The following ZNF32 variants were observed in gnomAD, a reference collection of about 807,000 sequenced individuals.
ZNF32 encodes the protein zinc finger protein 32, also known as C2H2-546.
In ZNF32, 13 loss-of-function variants were observed where a neutral mutation model predicts 24.4. The observed-to-expected ratio is 0.53, with a 90% CI of 0.35 to 0.85. ZNF32 has a LOEUF of 0.85. ZNF32 is among the 40% of genes least tolerant of loss of function. The pLI, the probability that ZNF32 is intolerant of heterozygous loss-of-function variation, is 0.01. For missense variants in ZNF32, 239 were observed against 325.3 expected (o/e 0.73, Z 2.04); for synonymous variants, 115 against 117.4 (o/e 0.98, Z 0.13).
chr10:43,644,941 G>C lies in ZNF32; in HGVS notation c.71-140C>G. 1 of 973,148 alleles carries C rather than the reference G, an allele frequency of 1.0e-6. No individual in the cohort carries two copies. The highest frequency in any genetic ancestry group is 1.5e-6 in the Non-Finnish European group (1 of 673,766). 60.3% of individuals were successfully genotyped at this position (973,148 alleles called of 1,614,324 possible). On this transcript the variant is annotated intron_variant, in intron 2 of 2. Coordinates refer to ENST00000374433, the MANE Select transcript of ZNF32 (RefSeq NM_006973.3). This position sits in a 1 kb window ranked among gnomAD's most constrained non-coding sequence, Gnocchi z 5.3. ...TAGACAATGCAATCCTGAAAACAATGCCATGAGAGTGATACAGATAATGGG... is the reference window on the plus strand; with the variant it reads ...TAGACAATGCAATCCTGAAAACAATCCCATGAGAGTGATACAGATAATGGG...
At position 43,646,098 on chromosome 10, in the gene ZNF32, A is replaced by G; in HGVS notation, c.36T>C (p.Cys12=). 1 of 1,614,180 alleles carries G rather than the reference A, an allele frequency of 6.2e-7. No homozygotes were observed. Among genetic ancestry groups the G allele is most frequent in the Non-Finnish European group, 8.5e-7 (1 of 1,180,014 alleles). Residue 12 remains cysteine (C), a synonymous_variant, in exon 2 of 3, where the codon TGT becomes TGC. Transcript: ENST00000374433. ...FGFPTATLLD[C]HGRYAQNVAF... is the part of the protein sequence containing the mutation. ...CTACATTCTGGGCATATCTTCCATG[A>G]CAGTCCAGCAGGGTAGCTGTTGGAA...
chr10:43,646,847 A>G (rs1323830477), intron 1 of ZNF32, among the ~76,000 whole-genome samples: 2 of 152,192 alleles, frequency 1.3e-5, no homozygotes, highest in African/African-American at 4.8e-5. Context: ...TTGCCCAGAA[A>G]CCCACAGAAA....
chr10:43,645,553 A>G (rs1320350480), intron 2 of ZNF32, among the ~76,000 whole-genome samples: 1 of 152,270 alleles, frequency 6.6e-6, no homozygotes, highest in Non-Finnish European at 1.5e-5. Context: ...TGGCAATTAT[A>G]GAATCTGATC....
chr10:43,645,035 T>C (rs1371884899), intron 2 of ZNF32: 1 of 474,634 alleles, frequency 2.1e-6, no homozygotes, highest in Non-Finnish European at 3.7e-6. Context: ...GCATTCTCCA[T>C]AGCAGTGTAC....
At position 43,644,245 on chromosome 10, in the gene ZNF32, T is replaced by C; in HGVS notation, c.627A>G (p.Arg209=). 6.2e-7 allele frequency: 1 copy of C among 1,614,242 alleles called. No homozygotes were observed. The highest frequency in any genetic ancestry group is 1.1e-5 in the South Asian group (1 of 91,088). The part of the protein sequence containing the change: ...SQKGSLIVHI[R]VHTGLKPYAC... Reference sequence around the variant, plus strand: ...CATAGGGCTTCAGGCCTGTGTGGACTCTGATGTGAACAATTAAGCTTCCTT... The same window carrying C: ...CATAGGGCTTCAGGCCTGTGTGGACCCTGATGTGAACAATTAAGCTTCCTT... The change falls in exon 3 of 3, where the codon AGA becomes AGG. Residue 209 remains arginine (R), a synonymous_variant. Transcript: ENST00000374433. The surrounding 1 kb of genome is among the most constrained non-coding windows in gnomAD (Gnocchi z 5.3).
intron 2 of ZNF32, chr10:43,645,857 G>A (rs1411562669): frequency 1.5e-5 from 17 of 1,102,264 alleles, no homozygotes; most frequent in African/African-American, 9.6e-5. Context: ...CTACTTCAAC[G>A]CTACCTCCAT....
At chr10:43,645,811 G>A (rs1839266933) in intron 2 of ZNF32, 1 of 572,202 alleles carries the variant, frequency 1.7e-6, no homozygotes, top group Non-Finnish European at 2.6e-6. Flanking sequence ...TTCAGAGACA[G>A]TGCTGAGATT....
chr10:43,647,647 G>A (rs538074362), intron 1 of ZNF32: 1 of 152,256 alleles, frequency 6.6e-6, no homozygotes, highest in East Asian at 1.9e-4. Context: ...TTTATTTGGA[G>A]GACTCACTTC....
chr10:43,647,765 G>A (rs1005752118), intron 1 of ZNF32: 10 of 152,244 alleles, frequency 6.6e-5, no homozygotes, highest in African/African-American at 2.4e-4. Context: ...AAAAGTCCCT[G>A]GGGTACATGG....
rs1259038216 is a variant in ZNF32 at position 43,644,799 on chromosome 10, C to T, written c.73G>A (p.Val25Met). Reference sequence around the variant, plus strand: ...TATTTGTGGTGGGCTTCAGTCATCACATCTGATAAAATGAGAGGGAAGTCA... The same window carrying T: ...TATTTGTGGTGGGCTTCAGTCATCATATCTGATAAAATGAGAGGGAAGTCA... ...RYAQNVAFFN[V>M]MTEAHHKYDH... The change falls in exon 3 of 3, where the codon GTG becomes ATG. Residue 25 changes from valine (V) to methionine (M), a missense_variant and splice_region_variant. By Grantham distance (21) the Val-to-Met change is conservative. Coordinates refer to ENST00000374433, the MANE Select transcript of ZNF32 (RefSeq NM_006973.3). The surrounding 1 kb of genome is among the most constrained non-coding windows in gnomAD (Gnocchi z 5.3). 2 of 1,585,820 alleles carry T rather than the reference C, an allele frequency of 1.3e-6. No individual in the cohort carries two copies. Among genetic ancestry groups the T allele is most frequent in the Non-Finnish European group, 1.7e-6 (2 of 1,169,098 alleles).
intron 1 of ZNF32, chr10:43,646,981 T>C (rs1839319381): frequency 6.6e-6 from 1 of 152,216 alleles, no homozygotes; most frequent in African/African-American, 2.4e-5. Context: ...GCTTATAAAA[T>C]TGAACAGAAA....
At chr10:43,646,436 T>G (rs944216075) in intron 1 of ZNF32, 3 of 306,318 alleles carry the variant, frequency 9.8e-6, no homozygotes, top group African/African-American at 6.5e-5. Flanking sequence ...TAAACATATA[T>G]CTCTTCCTGC....
chr10:43,643,988 G>A lies in ZNF32; in HGVS notation c.*62C>T. On this transcript the variant is annotated 3_prime_UTR_variant, in exon 3 of 3. Coordinates refer to ENST00000374433, the MANE Select transcript of ZNF32 (RefSeq NM_006973.3). ...TTCATTCCATAGAACTGGATAGGTT[G>A]CTTCATCTCAGAGGATTTTGTACTC... 1 of 1,506,408 alleles carries A rather than the reference G, an allele frequency of 6.6e-7. No individual in the cohort carries two copies. Among genetic ancestry groups the A allele is most frequent in the Non-Finnish European group, 8.9e-7 (1 of 1,125,182 alleles). 93.3% of individuals were successfully genotyped at this position (1,506,408 alleles called of 1,614,324 possible). A position where few individuals can be genotyped will look rare whatever the true frequency, so the allele number is the denominator to read the frequency against.
intron 1 of ZNF32, chr10:43,646,408 G>C (rs1362822858): frequency 1.3e-5 from 5 of 398,666 alleles, no homozygotes; most frequent in Non-Finnish European, 1.8e-5. Flanking sequence ...AGCAGGATGT[G>C]GGAAAGCAGA....
At position 43,643,912 on chromosome 10, in the gene ZNF32, A is replaced by G. The variant is rs2132372830; in HGVS notation, c.*138T>C. On this transcript the variant is annotated 3_prime_UTR_variant, in exon 3 of 3. Transcript: ENST00000374433. ...TTTTCATACTCTTTTGGGGGAAAGG[A>G]AAAAAATCAGTTTGCCCTACCCAAT... The G allele has an allele frequency of 1.1e-6, 1 of 881,678 alleles. No individual in the cohort carries two copies. Among genetic ancestry groups the G allele is most frequent in the South Asian group, 2.0e-5 (1 of 50,754 alleles). 54.6% of individuals were successfully genotyped at this position (881,678 alleles called of 1,614,324 possible).
Position 43,646,217 on chromosome 10 carries a change from C to A in ZNF32, c.-69-15G>T. On this transcript the variant is annotated splice_polypyrimidine_tract_variant and intron_variant, in intron 1 of 2. Coordinates refer to ENST00000374433, the MANE Select transcript of ZNF32 (RefSeq NM_006973.3). ...TTCCTGAGCACCTGAGGGAGAAAAA[C>A]AAACAGAAACAAACAGGAAAGGGCA... 7.0e-7 allele frequency: 1 copy of A among 1,425,698 alleles called. No individual in the cohort carries two copies. Among genetic ancestry groups the A allele is most frequent in the African/African-American group, 1.4e-5 (1 of 70,786 alleles). 88.3% of individuals were successfully genotyped at this position (1,425,698 alleles called of 1,614,324 possible).
intron 1 of ZNF32, among the ~76,000 whole-genome samples, chr10:43,648,401 T>G (rs779147139): frequency 5.9e-5 from 9 of 152,022 alleles, no homozygotes; most frequent in Non-Finnish European, 1.2e-4. Flanking sequence ...CTGCCTCTCC[T>G]CCCACCCCGG....
Position 43,644,626 on chromosome 10 carries a change from A to G in ZNF32, c.246T>C (p.Cys82=). The change falls in exon 3 of 3, where the codon TGT becomes TGC. Residue 82 remains cysteine, a synonymous_variant. Coordinates refer to ENST00000374433, the MANE Select transcript of ZNF32 (RefSeq NM_006973.3). The surrounding 1 kb of genome is among the most constrained non-coding windows in gnomAD (Gnocchi z 5.3). ...VRQRVYECQE[C]GKSFRQKGSL... ...TACCTTTTTGCCGGAAGGATTTTCC[A>G]CACTCCTGGCACTCATAGACCCTTT... 6.2e-7 allele frequency: 1 copy of G among 1,614,052 alleles called. No homozygotes were observed.
rs1839230247 is a variant in ZNF32 at position 43,644,894 on chromosome 10, G to A, written c.71-93C>T. 22 of 1,376,866 alleles carry A rather than the reference G, an allele frequency of 1.6e-5. No individual in the cohort carries two copies. The highest frequency in any genetic ancestry group is 2.1e-5 in the Non-Finnish European group (21 of 1,018,714). 85.3% of individuals were successfully genotyped at this position (1,376,866 alleles called of 1,614,324 possible). ...ACATAATACTTTGAGTGCTTATGATGTGCCAGGCCTTATTCTTTGCATAGA... is the reference window on the plus strand; with the variant it reads ...ACATAATACTTTGAGTGCTTATGATATGCCAGGCCTTATTCTTTGCATAGA... On this transcript the variant is annotated intron_variant, in intron 2 of 2. Transcript: ENST00000374433. This position sits in a 1 kb window ranked among gnomAD's most constrained non-coding sequence, Gnocchi z 5.3.
Sources: gnomAD v4.1 joint callset for allele counts (sites outside exome capture counted in the v4.1 genomes callset) on GRCh38, gnomAD v4.1.1 for gene constraint, Gnocchi (gnomAD v3.1) non-coding constraint, MANE v1.5 for transcripts, NCBI Gene and HGNC (gene_info 2026-07-23, HGNC 2026-07-21) for gene names.